Variants in SH2B3 observed in about 807,000 individuals in gnomAD.
SH2B3 encodes SH2B adapter protein 3.
A neutral mutation model predicts 51.9 loss-of-function variants in SH2B3; 43 were observed. That is an observed-to-expected ratio of 0.83 (90% confidence interval 0.65 to 1.07). SH2B3 has a LOEUF of 1.07. SH2B3 is among the 50% of genes least tolerant of loss of function. The probability of loss-of-function intolerance (pLI) is 0.00; values close to 1 mark genes in which losing one functional copy is unlikely to be tolerated. For missense variants in SH2B3, 952 were observed against 834.3 expected (o/e 1.14, Z -1.74); for synonymous variants, 396 against 376.0 (o/e 1.05, Z -0.62).
rs1304321329 is a variant in SH2B3, at chr12:111,431,703, C to T, written c.732+12826C>T. Among the ~76,000 whole-genome samples the T allele has an allele frequency of 2.0e-5, 3 of 152,266 alleles. No homozygotes were observed. The East Asian group carries it at 5.8e-4, about 29-fold the overall frequency. ...CTCAAGGTGATCTTCCCACCTTAGCCTCCCAAGTAGCTGGGACTATTTAAT... is the reference window on the plus strand; with the variant it reads ...CTCAAGGTGATCTTCCCACCTTAGCTTCCCAAGTAGCTGGGACTATTTAAT... On this transcript the variant is annotated intron_variant, in intron 2 of 7. Transcript: ENST00000341259.
chr12:111,436,720 C>T (rs1872908857), intron 2 of SH2B3, among the ~76,000 whole-genome samples: 1 of 151,986 alleles, frequency 6.6e-6, no homozygotes, highest in East Asian at 1.9e-4. Context: ...TCCTTGCCAT[C>T]ATGATTCTGT....
intron 2 of SH2B3, among the ~76,000 whole-genome samples, chr12:111,446,265 C>T (rs1221070260): frequency 6.6e-6 from 1 of 152,240 alleles, no homozygotes; most frequent in Non-Finnish European, 1.5e-5. Flanking sequence ...GGAACAGTGG[C>T]TAACTCCTAT....
At chr12:111,424,324 C>T (rs946125520) in intron 2 of SH2B3, among the ~76,000 whole-genome samples, 3 of 151,854 alleles carry the variant, frequency 2.0e-5, no homozygotes, top group Non-Finnish European at 2.9e-5. Context: ...GTGGGGAGAG[C>T]GCATGTGCCA....
rs1872267318 is a variant in SH2B3 at position 111,429,182 on chromosome 12, T to C, written c.732+10305T>C. Among the ~76,000 whole-genome samples, 1 of 152,132 alleles carries C rather than the reference T, an allele frequency of 6.6e-6. No individual in the cohort carries two copies. Among genetic ancestry groups the C allele is most frequent in the South Asian group, 2.1e-4 (1 of 4,830 alleles). On this transcript the variant is annotated intron_variant, in intron 2 of 7. Coordinates refer to ENST00000341259, the MANE Select transcript of SH2B3 (RefSeq NM_005475.3). The surrounding 1 kb of genome is among the most constrained non-coding windows in gnomAD (Gnocchi z 4.4). ...TTGCCCTCCCTGTGCCTCAGTTTAC[T>C]CAAGTAAAAATAGCTGAATGATGGC...
chr12:111,412,737 T>C (rs1870798303), intron 1 of SH2B3, among the ~76,000 whole-genome samples: 1 of 152,042 alleles, frequency 6.6e-6, no homozygotes. Context: ...CCAGGCTAAT[T>C]TTTTTGTATT....
intron 2 of SH2B3, 146 bp downstream of exon 2, chr12:111,419,023 C>A: frequency 1.3e-6 from 1 of 760,676 alleles, no homozygotes; most frequent in Non-Finnish European, 1.9e-6. Flanking sequence ...TAAAAAAGAA[C>A]TTTTAGGCCG....
chr12:111,438,988 G>A lies in SH2B3; in HGVS notation c.733-7765G>A, dbSNP rs1324453551. Among the ~76,000 whole-genome samples, 3 of 152,134 alleles carry A rather than the reference G, an allele frequency of 2.0e-5. No individual in the cohort carries two copies. In the South Asian group the frequency reaches 6.2e-4, roughly 31 times the overall value. ...TTTGTTTTTGTTTGTTTGTTTGTTT[G>A]AGACAGTCTTGCTCTGTTGCCCAGG... On this transcript the variant is annotated intron_variant, in intron 2 of 7. Coordinates refer to ENST00000341259, the MANE Select transcript of SH2B3 (RefSeq NM_005475.3). The surrounding 1 kb of genome is among the most constrained non-coding windows in gnomAD (Gnocchi z 4.2).
chr12:111,422,159 A>G (rs2135555063), intron 2 of SH2B3, among the ~76,000 whole-genome samples: 1 of 152,250 alleles, frequency 6.6e-6, no homozygotes, highest in South Asian at 2.1e-4. Context: ...GGCTCACTGC[A>G]ACCTCCGTCT....
At position 111,418,564 on chromosome 12, in the gene SH2B3, G is replaced by T; in HGVS notation, c.419G>T (p.Arg140Leu). 3 of 1,472,140 alleles carry T rather than the reference G, an allele frequency of 2.0e-6. No individual in the cohort carries two copies. The highest frequency in any genetic ancestry group is 2.7e-6 in the Non-Finnish European group (3 of 1,117,310). 91.2% of individuals were successfully genotyped at this position (1,472,140 alleles called of 1,614,324 possible). Residue 140 changes from arginine to leucine, a missense_variant, in exon 2 of 8, where the codon CGC (arginine) becomes CTC (leucine). Physicochemically the swap from Arg to Leu is moderately radical, Grantham distance 102. Coordinates refer to ENST00000341259, the MANE Select transcript of SH2B3 (RefSeq NM_005475.3). This position sits in a 1 kb window ranked among gnomAD's most constrained non-coding sequence, Gnocchi z 6.7. Reference sequence around the variant, plus strand: ...CCCTGCTCCTTCCAGCACTTTCGCCGCAGCCTCCGCCACATCTTCCGCCGC... The same window carrying T: ...CCCTGCTCCTTCCAGCACTTTCGCCTCAGCCTCCGCCACATCTTCCGCCGC... ...PGPCSFQHFR[R>L]SLRHIFRRRS...
At chr12:111,442,280 C>T (rs1024080154) in intron 2 of SH2B3, among the ~76,000 whole-genome samples, 3 of 152,282 alleles carry the variant, frequency 2.0e-5, no homozygotes, top group African/African-American at 7.2e-5. Context: ...CCCCCTATTA[C>T]TGAAAGCAAA....
intron 2 of SH2B3, among the ~76,000 whole-genome samples, chr12:111,439,496 G>C (rs1266919106): frequency 1.3e-5 from 2 of 152,148 alleles, no homozygotes; most frequent in African/African-American, 4.8e-5. Context: ...ATATTGGCCA[G>C]GCTGGTCTTG....
upstream of SH2B3, among the ~76,000 whole-genome samples, chr12:111,405,523 G>A (rs1870177053): frequency 1.3e-5 from 2 of 152,098 alleles, no homozygotes; most frequent in South Asian, 4.1e-4. The surrounding 1 kb of genome is among the most constrained non-coding windows in gnomAD (Gnocchi z 5.4). Context: ...CCCGCCCTAG[G>A]CCCCGCCCCT....
chr12:111,407,692 TGA>T lies in SH2B3; in HGVS notation c.-28+1417_-28+1418del, dbSNP rs1328107041. Among the ~76,000 whole-genome samples, 1 of 152,200 alleles carries T rather than the reference TGA, an allele frequency of 6.6e-6. No homozygotes were observed. Among genetic ancestry groups the T allele is most frequent in the African/African-American group, 2.4e-5 (1 of 41,442 alleles). On this transcript the variant is annotated intron_variant, in intron 1 of 7. Transcript: ENST00000341259. This position sits in a 1 kb window ranked among gnomAD's most constrained non-coding sequence, Gnocchi z 4.3. ...CCCCCTCTGGGAGGGAAAATCCTTC[TGA>T]GCCAAAGGGTGAGCATTCCTAGAAC...
Position 111,418,240 on chromosome 12 carries a change from TGCACGCCGTA to T in SH2B3, c.98_107del (p.His33ArgfsTer161), listed in dbSNP as rs1871230042. 6.4e-7 allele frequency: 1 copy of T among 1,565,788 alleles called. No individual in the cohort carries two copies. The highest frequency in any genetic ancestry group is 1.4e-5 in the African/African-American group (1 of 72,988). On this transcript the variant is annotated frameshift_variant, in exon 2 of 8. Transcript: ENST00000341259. LOFTEE classifies it high-confidence loss of function. The surrounding 1 kb of genome is among the most constrained non-coding windows in gnomAD (Gnocchi z 6.7). ...CGGGGCTGGAGCGAGTTCTGTGAGT[TGCACGCCGTA>T]GCGGCGGCCCGGGAGCTGGCCCGCC...
intron 2 of SH2B3, among the ~76,000 whole-genome samples, chr12:111,424,471 C>A (rs1871824578): frequency 6.6e-6 from 1 of 152,080 alleles, no homozygotes; most frequent in African/African-American, 2.4e-5. Context: ...GGAAGGCATC[C>A]CCAAGACTCC....
chr12:111,405,189 G>A (rs1870159979), upstream of SH2B3, among the ~76,000 whole-genome samples: 1 of 152,150 alleles, frequency 6.6e-6, no homozygotes, highest in Non-Finnish European at 1.5e-5. The surrounding 1 kb of genome is among the most constrained non-coding windows in gnomAD (Gnocchi z 5.4). Context: ...GGTCGGAGAG[G>A]GCTTCCTGGA....
Position 111,438,401 on chromosome 12 carries a change from C to T in SH2B3, c.733-8352C>T, listed in dbSNP as rs1367496036. ...AGCCTGCCTTTCAGCCTGCCCTCTT[C>T]CCTGGCCAGCTGGAGGGGCCTTGGG... On this transcript the variant is annotated intron_variant, in intron 2 of 7. Transcript: ENST00000341259. The surrounding 1 kb of genome is among the most constrained non-coding windows in gnomAD (Gnocchi z 4.2). Among the ~76,000 whole-genome samples, 1 of 152,108 alleles carries T rather than the reference C, an allele frequency of 6.6e-6. No individual in the cohort carries two copies. Among genetic ancestry groups the T allele is most frequent in the Non-Finnish European group, 1.5e-5 (1 of 67,992 alleles).
intron 2 of SH2B3, among the ~76,000 whole-genome samples, chr12:111,430,991 G>A (rs78159245): frequency 0.013 from 1,893 of 141,040 alleles, 48 homozygotes; most frequent in African/African-American, 0.046. Context: ...AACTGATTGC[G>A]CTAGAAGAGG....
Position 111,447,563 on chromosome 12 carries a change from TGGGGTGGGGCA to T in SH2B3, c.1236+22_1236+32del. The T allele has an allele frequency of 5.4e-6, 1 of 183,956 alleles. No individual in the cohort carries two copies. 11.4% of individuals were successfully genotyped at this position (183,956 alleles called of 1,614,324 possible). On this transcript the variant is annotated intron_variant, in intron 6 of 7. Coordinates refer to ENST00000341259, the MANE Select transcript of SH2B3 (RefSeq NM_005475.3). Reference sequence around the variant, plus strand: ...AGCCAAGGTATGGGGTGGGGTGGGGTGGGGTGGGGCAGGCAGGACCGTGCCACCCCTCTCCA... The same window carrying T: ...AGCCAAGGTATGGGGTGGGGTGGGGTGGCAGGACCGTGCCACCCCTCTCCA...
Sources: allele counts gnomAD v4.1 joint callset (sites outside exome capture counted in the v4.1 genomes callset), GRCh38; gene constraint gnomAD v4.1.1; non-coding constraint Gnocchi (gnomAD v3.1); transcripts MANE v1.5; gene names NCBI Gene and HGNC (gene_info 2026-07-23, HGNC 2026-07-21).